The following RELN variants were observed in gnomAD, a reference collection of about 807,000 sequenced individuals.
RELN encodes reelin.
RELN carries 108 observed loss-of-function variants against 427.6 expected under a neutral mutation model. The ratio of observed to expected loss-of-function variants is 0.25; its 90% CI spans 0.22 to 0.30. The LOEUF (loss-of-function observed/expected upper bound fraction) is 0.30. Ranked by LOEUF, RELN falls within the 10% of genes least tolerant of loss-of-function variation. The probability of loss-of-function intolerance (pLI) is 1.00; values close to 1 mark genes in which losing one functional copy is unlikely to be tolerated. For missense variants in RELN, 3,715 were observed against 4,302.8 expected (o/e 0.86, Z 3.82); for synonymous variants, 1,524 against 1,513.4 (o/e 1.01, Z -0.16).
intron 2 of RELN, among the ~76,000 whole-genome samples, chr7:103,897,235 A>C (rs1292750033): frequency 6.6e-6 from 1 of 152,112 alleles, no homozygotes; most frequent in Non-Finnish European, 1.5e-5. Flanking sequence ...TCTTAAAATA[A>C]AATCAGTTCA....
At chr7:103,517,253 T>A (rs1283431444) in intron 49 of RELN, among the ~76,000 whole-genome samples, 1 of 136,392 alleles carries the variant, frequency 7.3e-6, no homozygotes. Context: ...GTTTACATAC[T>A]ATCCGAAATC....
At chr7:103,710,355 G>A (rs1789763821) in intron 8 of RELN, among the ~76,000 whole-genome samples, 1 of 152,158 alleles carries the variant, frequency 6.6e-6, no homozygotes, top group South Asian at 2.1e-4. Flanking sequence ...TTTATTTTGG[G>A]TTAGTGTGAT....
chr7:103,931,943 G>A (rs1018636816), intron 1 of RELN, among the ~76,000 whole-genome samples: 1 of 152,182 alleles, frequency 6.6e-6, no homozygotes, highest in African/African-American at 2.4e-5. Flanking sequence ...TGGAGGGAGT[G>A]TAAATTAGTT....
At chr7:103,863,084 C>T (rs1794109008) in intron 2 of RELN, among the ~76,000 whole-genome samples, 1 of 151,960 alleles carries the variant, frequency 6.6e-6, no homozygotes, top group Admixed American at 6.6e-5. Context: ...ACTATTAAGA[C>T]AATAAAGCTC....
rs571722063 is a variant in RELN, at chr7:103,514,729, A to C, written c.8119+456T>G. ...TCATTGAATACCCCTATAGGGAATG[A>C]AGGGTAACAAGCAAGACCTGGGACA... On this transcript the variant is annotated intron_variant, in intron 50 of 64. Transcript: ENST00000428762. Among the ~76,000 whole-genome samples, 59 of 152,270 alleles carry C rather than the reference A, an allele frequency of 3.9e-4. No individual in the cohort carries two copies. In the Middle Eastern group the frequency reaches 0.01, roughly 26 times the overall value.
At chr7:103,496,484 TG>T in intron 56 of RELN, 41 bp downstream of exon 56, 3 of 1,613,740 alleles carry the variant, frequency 1.9e-6, no homozygotes, top group Non-Finnish European at 2.5e-6. Context: ...AGCAGAAAAA[TG>T]GCTCACAGGA....
chr7:103,893,602 A>G (rs892449564), intron 2 of RELN, among the ~76,000 whole-genome samples: 6 of 152,184 alleles, frequency 3.9e-5, no homozygotes, highest in African/African-American at 1.4e-4. Flanking sequence ...ATAAATGTAC[A>G]TACACTTAAG....
At chr7:103,966,117 C>A (rs1796655439) in intron 1 of RELN, among the ~76,000 whole-genome samples, 1 of 152,092 alleles carries the variant, frequency 6.6e-6, no homozygotes, top group Admixed American at 6.5e-5. Flanking sequence ...AAAAAGTCAC[C>A]AAACTTCTAA....
chr7:103,829,487 G>C (rs1793224207), intron 3 of RELN, among the ~76,000 whole-genome samples: 1 of 151,826 alleles, frequency 6.6e-6, no homozygotes, highest in African/African-American at 2.4e-5. Flanking sequence ...AAACCATATT[G>C]CCACAGGATC....
intron 8 of RELN, among the ~76,000 whole-genome samples, chr7:103,710,767 C>T (rs549253886): frequency 1.3e-5 from 2 of 152,302 alleles, no homozygotes; most frequent in African/African-American, 2.4e-5. Context: ...CATGGCCAGC[C>T]GGGCGTGGTG....
rs1360354053 is a variant in RELN at position 103,566,401 on chromosome 7, C to T, written c.4759G>A (p.Ala1587Thr). The T allele has an allele frequency of 6.2e-7, 1 of 1,613,938 alleles. No individual in the cohort carries two copies. The highest frequency in any genetic ancestry group is 8.5e-7 in the Non-Finnish European group (1 of 1,179,962). Residue 1587 changes from alanine to threonine, a missense_variant, in exon 33 of 65, where the codon GCC becomes ACC. Ala to Thr is a moderately conservative substitution (Grantham distance 58). This residue lies in a region of RELN where 2,208 missense variants were observed against 2,361.7 expected (regional missense o/e 0.93). Transcript: ENST00000428762. Reference protein sequence around the residue: ...WWQPQHGKHSAQWALDDVLIG... With the variant: ...WWQPQHGKHSTQWALDDVLIG... The stretch of plus-strand genomic sequence containing the variant: ...AGAACATCATCCAAAGCCCACTGGG[C>T]TGAATGCTTCCCTGCAATCAGATGA...
At chr7:103,952,718 A>G (rs942392155) in intron 1 of RELN, among the ~76,000 whole-genome samples, 2 of 152,202 alleles carry the variant, frequency 1.3e-5, no homozygotes, top group African/African-American at 4.8e-5. Flanking sequence ...GGAGGTGCAC[A>G]CTCAAAAAAC....
intron 15 of RELN, 44 bp downstream of exon 15, chr7:103,651,617 A>G: frequency 6.3e-7 from 1 of 1,589,726 alleles, no homozygotes; most frequent in Non-Finnish European, 8.6e-7. Flanking sequence ...TTATTCTGCA[A>G]CATGGATTCA....
At chr7:103,867,878 T>C (rs978104675) in intron 2 of RELN, among the ~76,000 whole-genome samples, 2 of 152,086 alleles carry the variant, frequency 1.3e-5, no homozygotes, top group Admixed American at 6.6e-5. Flanking sequence ...GCCTAATTCA[T>C]ATTCCAAACC....
chr7:103,521,008 C>T lies in RELN; in HGVS notation c.7668+1014G>A, dbSNP rs958617833. 4.4e-5 allele frequency among the ~76,000 whole-genome samples: 5 copies of T among 113,406 alleles called. No homozygotes were observed. In the East Asian group the frequency reaches 1.1e-3, roughly 26 times the overall value. 74.4% of individuals were successfully genotyped at this position (113,406 alleles called of 152,430 possible). A position where few individuals can be genotyped will look rare whatever the true frequency, so the allele number is the denominator to read the frequency against. ...TTTTTGAGACGGAGTCTCGCTCTGTCGCCCAGGCGGGACTGCGGACTGCAG... is the reference window on the plus strand; with the variant it reads ...TTTTTGAGACGGAGTCTCGCTCTGTTGCCCAGGCGGGACTGCGGACTGCAG... On this transcript the variant is annotated intron_variant, in intron 48 of 64. Coordinates refer to ENST00000428762, the MANE Select transcript of RELN (RefSeq NM_005045.4).
At chr7:103,696,271 C>A (rs1426305982) in intron 10 of RELN, among the ~76,000 whole-genome samples, 1 of 152,104 alleles carries the variant, frequency 6.6e-6, no homozygotes, top group Non-Finnish European at 1.5e-5. Flanking sequence ...AGTTGAGGGT[C>A]TCATGACATT....
chr7:103,875,264 AACCTAGGCATT>A (rs1312399146), intron 2 of RELN, among the ~76,000 whole-genome samples: 1 of 150,270 alleles, frequency 6.7e-6, no homozygotes, highest in Non-Finnish European at 1.5e-5. Context: ...CCTAGAAGAA[AACCTAGGCATT>A]ACCATTCAGG....
chr7:103,515,068 C>T lies in RELN; in HGVS notation c.8119+117G>A, dbSNP rs13241499. 0.094 allele frequency: 118,826 copies of T among 1,263,762 alleles called. 7,200 individuals are homozygous for T. Among genetic ancestry groups the T allele is most frequent in the South Asian group, 0.23 (17,900 of 78,952 alleles). The allele number at this position is 1,263,762 out of a possible 1,614,324, so 78.3% of individuals were successfully genotyped here. A position where few individuals can be genotyped will look rare whatever the true frequency, so the allele number is the denominator to read the frequency against. ...AACAAAAGGATGACACCCTTTTCAG[C>T]GTTTCTACACCACTGGAACATCTGA... On this transcript the variant is annotated intron_variant, in intron 50 of 64. Coordinates refer to ENST00000428762, the MANE Select transcript of RELN (RefSeq NM_005045.4).
In RELN at chr7:103,551,280, G is replaced by A. The variant is rs779803541; in HGVS notation, c.6089C>T (p.Ser2030Leu). 11 of 1,613,310 alleles carry A rather than the reference G, an allele frequency of 6.8e-6. No individual in the cohort carries two copies. The highest frequency in any genetic ancestry group is 4.0e-5 in the African/African-American group (3 of 74,858). ...IIQFEINVGC[S>L]TDSSSADPVR... Reference sequence around the variant, plus strand: ...TGGATCCGCGGATGAGCTATCAGTCGAACAGCCAACGTTGATCTTGGGGAT... The same window carrying A: ...TGGATCCGCGGATGAGCTATCAGTCAAACAGCCAACGTTGATCTTGGGGAT... Residue 2030 changes from serine (S) to leucine (L), a missense_variant, in exon 41 of 65, where the codon TCG becomes TTG. Transcript: ENST00000428762.
Sources: allele counts gnomAD v4.1 joint callset (sites outside exome capture counted in the v4.1 genomes callset), GRCh38; gene constraint gnomAD v4.1.1; regional missense constraint gnomAD v4.1.1; transcripts MANE v1.5; gene names NCBI Gene and HGNC (gene_info 2026-07-23, HGNC 2026-07-21).